The following LCORL variants were observed in gnomAD, a reference collection of about 807,000 sequenced individuals.
The protein encoded by LCORL is ligand-dependent nuclear receptor corepressor-like protein.
In LCORL, 41 loss-of-function variants were observed where a neutral mutation model predicts 141.8. That is an observed-to-expected ratio of 0.29 (90% CI 0.23 to 0.38). LCORL has a LOEUF of 0.38. Ranked by LOEUF, LCORL falls within the 10% of genes least tolerant of loss-of-function variation. The pLI is 1.00. For synonymous variants in LCORL, 618 were observed against 694.1 expected (o/e 0.89, Z 1.72); for missense variants, 1,759 against 2,035.0 (o/e 0.86, Z 2.61).
At chr4:18,015,784 G>A (rs1724537210) in intron 1 of LCORL, among the ~76,000 whole-genome samples, 1 of 151,066 alleles carries the variant, frequency 6.6e-6, no homozygotes, top group Admixed American at 6.6e-5. Context: ...CCAGAAAGTA[G>A]CAACAAGTTG....
At chr4:17,966,572 G>A (rs542398751) in intron 2 of LCORL, among the ~76,000 whole-genome samples, 2 of 152,178 alleles carry the variant, frequency 1.3e-5, no homozygotes, top group Non-Finnish European at 2.9e-5. Context: ...TCTAAAAACA[G>A]CAGCAGGGGA....
chr4:17,934,543 T>C (rs1560367030), intron 4 of LCORL, among the ~76,000 whole-genome samples: 1 of 152,162 alleles, frequency 6.6e-6, no homozygotes, highest in Admixed American at 6.5e-5. Context: ...TTAGTTCTGA[T>C]GTTGATACAT....
intron 6 of LCORL, chr4:17,883,954 A>G (rs1727943284): frequency 1.2e-5 from 18 of 1,550,762 alleles, no homozygotes; most frequent in Non-Finnish European, 1.6e-5. Context: ...TTTCATGATC[A>G]TATTGCCGAT....
chr4:17,843,479 TAAAG>T (rs1410565218), exon 8 of LCORL: 1 of 1,584,646 alleles, frequency 6.3e-7, no homozygotes, highest in Admixed American at 1.8e-5. Flanking sequence ...TTTGCTTTAA[TAAAG>T]AAGAAGTTAC....
chr4:17,885,783 T>C (rs1728183345), intron 6 of LCORL, among the ~76,000 whole-genome samples: 1 of 151,966 alleles, frequency 6.6e-6, no homozygotes, highest in Non-Finnish European at 1.5e-5. Flanking sequence ...TTTAATTTAA[T>C]ATTCTCTTAC....
At chr4:17,930,897 G>T (rs138883466) in intron 4 of LCORL, among the ~76,000 whole-genome samples, 16 of 152,246 alleles carry the variant, frequency 1.1e-4, no homozygotes, top group African/African-American at 3.4e-4. Context: ...AAAATGTATA[G>T]AGCATTGAGA....
chr4:17,879,542 C>G (rs973742033), intron 6 of LCORL, among the ~76,000 whole-genome samples: 2 of 151,044 alleles, frequency 1.3e-5, no homozygotes, highest in Non-Finnish European at 3.0e-5. Context: ...CCCCAGTATC[C>G]TTTCCTTTTT....
chr4:17,842,591 G>GTCTT, exon 8 of LCORL: 1 of 511,306 alleles, frequency 2.0e-6, no homozygotes, highest in East Asian at 3.4e-5. Context: ...AGCTGGCATG[G>GTCTT]TCTTTAGTAC....
intron 4 of LCORL, among the ~76,000 whole-genome samples, chr4:17,943,809 G>A (rs963180661): frequency 6.8e-5 from 10 of 146,502 alleles, no homozygotes; most frequent in South Asian, 2.1e-4. Context: ...AGTTTTTGGC[G>A]GGGGTAGGTT....
At chr4:17,976,500 G>C (rs1021445056) in intron 1 of LCORL, among the ~76,000 whole-genome samples, 1 of 151,842 alleles carries the variant, frequency 6.6e-6, no homozygotes, top group Non-Finnish European at 1.5e-5. Context: ...AAACATTATA[G>C]TACCACTTAG....
At chr4:18,015,971 G>C (rs191501913) in intron 1 of LCORL, among the ~76,000 whole-genome samples, 245 of 151,910 alleles carry the variant, frequency 1.6e-3, no homozygotes, top group Admixed American at 4.9e-3. Flanking sequence ...TAAAAAGCCA[G>C]GATTAGACTA....
chr4:17,858,371 G>A (rs902081266), intron 7 of LCORL, among the ~76,000 whole-genome samples: 1 of 151,984 alleles, frequency 6.6e-6, no homozygotes, highest in Non-Finnish European at 1.5e-5. Flanking sequence ...TGACCTGTGG[G>A]ATAAATACAT....
At chr4:17,923,594 C>T (rs1222154707) in intron 4 of LCORL, among the ~76,000 whole-genome samples, 2 of 152,024 alleles carry the variant, frequency 1.3e-5, no homozygotes, top group African/African-American at 4.8e-5. Flanking sequence ...TGCAGTGAGC[C>T]GAGATTGTGC....
At chr4:17,981,173 T>TA (rs1271239465) in intron 1 of LCORL, among the ~76,000 whole-genome samples, 1 of 152,208 alleles carries the variant, frequency 6.6e-6, no homozygotes, top group Admixed American at 6.5e-5. Context: ...GAACCTTTCA[T>TA]AAACGGCTTA....
chr4:17,884,038 A>C lies in LCORL; in HGVS notation c.776+2030T>G. ...CATCTTCAGTATTTTCAGAGGTTCC[A>C]TCAACTGTTCCATTTTTAGAATTAA... On this transcript the variant is annotated intron_variant, in intron 6 of 7. Coordinates refer to ENST00000635767, the Ensembl canonical transcript of LCORL. This position sits in a 1 kb window ranked among gnomAD's most constrained non-coding sequence, Gnocchi z 4.4. 1 of 1,550,764 alleles carries C rather than the reference A, an allele frequency of 6.4e-7. No homozygotes were observed. Among genetic ancestry groups the C allele is most frequent in the Non-Finnish European group, 8.7e-7 (1 of 1,146,386 alleles).
chr4:17,856,292 G>A (rs1329094948), intron 7 of LCORL, among the ~76,000 whole-genome samples: 1 of 152,140 alleles, frequency 6.6e-6, no homozygotes, highest in African/African-American at 2.4e-5. Context: ...GACTGTATTT[G>A]GGGATAGGAC....
At chr4:17,867,102 T>G (rs1309523972) in intron 7 of LCORL, 2 of 300,848 alleles carry the variant, frequency 6.6e-6, no homozygotes, top group Non-Finnish European at 9.8e-6. Context: ...CTCTGCTGGA[T>G]AAAGACAGAT....
chr4:17,938,417 CTTTT>C (rs71651867), intron 4 of LCORL, among the ~76,000 whole-genome samples: 2 of 123,464 alleles, frequency 1.6e-5, no homozygotes, highest in Non-Finnish European at 1.8e-5. Context: ...CTGTTTCTTT[CTTTT>C]TTTTTTTTTT....
chr4:18,009,662 G>C (rs1723379363), intron 1 of LCORL, among the ~76,000 whole-genome samples: 1 of 152,066 alleles, frequency 6.6e-6, no homozygotes, highest in South Asian at 2.1e-4. Flanking sequence ...GGCCCTGAGA[G>C]CTCATGCAGG....
Sources: gnomAD v4.1 joint callset for allele counts (sites outside exome capture counted in the v4.1 genomes callset) on GRCh38, gnomAD v4.1.1 for gene constraint, Gnocchi (gnomAD v3.1) non-coding constraint, MANE v1.5 for transcripts, NCBI Gene and HGNC (gene_info 2026-07-23, HGNC 2026-07-21) for gene names.